Variants in ANKFY1 observed in about 807,000 individuals in gnomAD.
ANKFY1 encodes the protein ankyrin repeat and FYVE domain-containing protein 1.
ANKFY1 carries 47 observed loss-of-function variants against 128.3 expected under a neutral mutation model. That is an observed-to-expected ratio of 0.37 (90% confidence interval 0.29 to 0.47). The LOEUF (loss-of-function observed/expected upper bound fraction) is 0.47, where lower values mean the gene tolerates loss of function less well. Among genes scored for constraint, ANKFY1 ranks in the 20% least tolerant of loss-of-function variants. The pLI is 1.00. For synonymous variants in ANKFY1, 553 were observed against 601.6 expected (o/e 0.92, Z 1.18); for missense variants, 1,222 against 1,510.6 (o/e 0.81, Z 3.17).
rs563554409 is a variant in ANKFY1 at position 4,213,007 on chromosome 17, C to A, written c.459-3060G>T. Among the ~76,000 whole-genome samples, 11 of 152,046 alleles carry A rather than the reference C, an allele frequency of 7.2e-5. No individual in the cohort carries two copies. In the South Asian group the frequency reaches 2.3e-3, roughly 32 times the overall value. On this transcript the variant is annotated intron_variant, in intron 4 of 24. Coordinates refer to ENST00000341657, the MANE Select transcript of ANKFY1 (RefSeq NM_001330063.2). ...AGCCAGGATGGTCTCGATCTTCTGA[C>A]CTCATGACCCGCCCGCCTCAGCCTC...
intron 1 of ANKFY1, 126 bp downstream of exon 1, chr17:4,263,806 G>A: frequency 6.2e-7 from 1 of 1,605,194 alleles, no homozygotes; most frequent in Non-Finnish European, 8.5e-7. Context: ...AGACAGGAAG[G>A]CTCGCGAGAC....
intron 1 of ANKFY1, among the ~76,000 whole-genome samples, chr17:4,250,677 T>TA (rs1049482160): frequency 6.6e-5 from 10 of 151,358 alleles, no homozygotes; most frequent in Non-Finnish European, 1.3e-4. Context: ...TTCTAATTTT[T>TA]TTTTCTTAGA....
At chr17:4,221,666 T>A (rs1433320435) in intron 3 of ANKFY1, among the ~76,000 whole-genome samples, 1 of 152,220 alleles carries the variant, frequency 6.6e-6, no homozygotes, top group Non-Finnish European at 1.5e-5. Flanking sequence ...TTACCCAGGC[T>A]GCAGTGCAGT....
rs868587216 is a variant in ANKFY1, at chr17:4,210,012, A to G, written c.459-65T>C. 3.3e-6 allele frequency: 5 copies of G among 1,523,212 alleles called. 1 individual carries two copies. The Middle Eastern group carries it at 8.6e-4, about 262-fold the overall frequency. 94.4% of individuals were successfully genotyped at this position (1,523,212 alleles called of 1,614,324 possible). A position where few individuals can be genotyped will look rare whatever the true frequency, so the allele number is the denominator to read the frequency against. On this transcript the variant is annotated intron_variant, in intron 4 of 24. Coordinates refer to ENST00000341657, the MANE Select transcript of ANKFY1 (RefSeq NM_001330063.2). ...AATAATTCACAAACGAACAAACCAA[A>G]GCGATCATCTTTGTACTGGCTGGCT...
chr17:4,217,264 C>A, intron 3 of ANKFY1, 146 bp from the exon 4 acceptor site: 1 of 931,164 alleles, frequency 1.1e-6, no homozygotes. Flanking sequence ...AAAATGGGGA[C>A]TCGGCCGGGT....
At position 4,222,860 on chromosome 17, in the gene ANKFY1, G is replaced by C. The variant is rs1327185916; in HGVS notation, c.323-5742C>G. 7 of 961,026 alleles carry C rather than the reference G, an allele frequency of 7.3e-6. No homozygotes were observed. In the South Asian group the frequency reaches 9.0e-5, roughly 12 times the overall value. 59.5% of individuals were successfully genotyped at this position (961,026 alleles called of 1,614,324 possible). On this transcript the variant is annotated intron_variant, in intron 3 of 24. Transcript: ENST00000341657. ...GGTTGTCTCAGCCATCCACCCAGAC[G>C]ACTCAGTATCCGAGAGCTGACACAC...
chr17:4,186,087 T>A (rs568774198), intron 11 of ANKFY1, among the ~76,000 whole-genome samples: 55 of 152,314 alleles, frequency 3.6e-4, no homozygotes, highest in African/African-American at 1.2e-3. Flanking sequence ...CATGTTTCTC[T>A]CCATTGACAG....
chr17:4,223,631 C>A, intron 3 of ANKFY1: 1 of 1,514,220 alleles, frequency 6.6e-7, no homozygotes, highest in Non-Finnish European at 9.2e-7. Flanking sequence ...GGGCCAGACG[C>A]CCTACATGGA....
chr17:4,185,024 G>A lies in ANKFY1; in HGVS notation c.1493C>T (p.Ala498Val), dbSNP rs1284783260. 2.5e-6 allele frequency: 4 copies of A among 1,613,188 alleles called. No homozygotes were observed. The highest frequency in any genetic ancestry group is 1.1e-5 in the South Asian group (1 of 91,080). ...GAGGTTGGCCAGGCCATGCCGACAC[G>A]CTGTGTGCAACGGGGTTTCTCCCTG... ...NKWGETPLHT[A>V]CRHGLANLTA... Residue 498 changes from alanine to valine, a missense_variant, in exon 12 of 25, where the codon GCG becomes GTG. Physicochemically the swap from Ala to Val is moderately conservative, Grantham distance 64. Transcript: ENST00000341657.
rs569934075 is a variant in ANKFY1, at chr17:4,250,657, G to C, written c.11-8209C>G. Among the ~76,000 whole-genome samples the C allele has an allele frequency of 6.5e-5, 8 of 123,402 alleles. No individual in the cohort carries two copies. The South Asian group carries it at 2.2e-3, about 33-fold the overall frequency. 81.0% of individuals were successfully genotyped at this position (123,402 alleles called of 152,430 possible). The stretch of plus-strand genomic sequence containing the variant: ...CCAGCAAACTGTGTTTGTAGAATTT[G>C]AAAGAATGATTCTAATTTTTTTTTC... On this transcript the variant is annotated intron_variant, in intron 1 of 24. Transcript: ENST00000341657.
chr17:4,190,356 G>A (rs1269754952), intron 10 of ANKFY1, among the ~76,000 whole-genome samples: 2 of 152,052 alleles, frequency 1.3e-5, no homozygotes, highest in South Asian at 2.1e-4. Context: ...CACAGGAATT[G>A]CTTGAACCCA....
Position 4,217,223 on chromosome 17 carries a change from C to A in ANKFY1, c.323-105G>T, listed in dbSNP as rs146634885. 1,124 of 1,299,124 alleles carry A rather than the reference C, an allele frequency of 8.7e-4. 11 individuals are homozygous for A. The East Asian group carries it at 0.02, about 24-fold the overall frequency. The allele number at this position is 1,299,124 out of a possible 1,614,324, so 80.5% of individuals were successfully genotyped here. A position where few individuals can be genotyped will look rare whatever the true frequency, so the allele number is the denominator to read the frequency against. ...GGCTAATAAAGTAAATGACAGTATA[C>A]CCAACTTAAAGGAATATTACACAGT... On this transcript the variant is annotated intron_variant, in intron 3 of 24. Transcript: ENST00000341657.
At chr17:4,237,339 A>G (rs926902958) in intron 2 of ANKFY1, among the ~76,000 whole-genome samples, 8 of 152,248 alleles carry the variant, frequency 5.3e-5, no homozygotes, top group African/African-American at 1.9e-4. Context: ...TCAAATTATT[A>G]CAAACTGCTG....
At chr17:4,234,554 G>T (rs1354567833) in intron 3 of ANKFY1, among the ~76,000 whole-genome samples, 1 of 151,666 alleles carries the variant, frequency 6.6e-6, no homozygotes, top group East Asian at 1.9e-4. Flanking sequence ...GCCCAGGCTG[G>T]AATGCAGTGA....
At chr17:4,176,584 A>C (rs917944108) in intron 19 of ANKFY1, among the ~76,000 whole-genome samples, 2 of 152,152 alleles carry the variant, frequency 1.3e-5, no homozygotes, top group Non-Finnish European at 2.9e-5. Flanking sequence ...TTCCTACGTA[A>C]ACACACCACA....
chr17:4,184,273 A>G (rs1321082659), intron 12 of ANKFY1, among the ~76,000 whole-genome samples: 1 of 152,228 alleles, frequency 6.6e-6, no homozygotes, highest in Non-Finnish European at 1.5e-5. Flanking sequence ...GAGGACCAAA[A>G]AAAGGGCACA....
chr17:4,171,733 G>C (rs766552908), intron 22 of ANKFY1, among the ~76,000 whole-genome samples: 1 of 152,170 alleles, frequency 6.6e-6, no homozygotes, highest in East Asian at 1.9e-4. Context: ...TTAAAAAACA[G>C]TGCGCACGTA....
intron 1 of ANKFY1, among the ~76,000 whole-genome samples, chr17:4,261,436 C>T (rs1439263401): frequency 1.3e-5 from 2 of 152,122 alleles, no homozygotes; most frequent in Non-Finnish European, 2.9e-5. Context: ...GCCAAGATTG[C>T]GCTATTGCAC....
At chr17:4,198,457 C>T (rs1158580013) in intron 7 of ANKFY1, among the ~76,000 whole-genome samples, 2 of 151,880 alleles carry the variant, frequency 1.3e-5, no homozygotes, top group Admixed American at 6.6e-5. Flanking sequence ...CTGCAACTTC[C>T]GCCTCCGAAA....
Sources: gnomAD v4.1 joint callset for allele counts (sites outside exome capture counted in the v4.1 genomes callset) on GRCh38, gnomAD v4.1.1 for gene constraint, MANE v1.5 for transcripts, NCBI Gene and HGNC (gene_info 2026-07-23, HGNC 2026-07-21) for gene names.